ANO3: variants seen among roughly 807,000 people sequenced by gnomAD.
ANO3 encodes the protein anoctamin-3.
ANO3 carries 99 observed loss-of-function variants against 144.8 expected under a neutral mutation model. That is an observed-to-expected ratio of 0.68 (90% CI 0.58 to 0.81). The LOEUF is 0.81. ANO3 is among the 30% of genes least tolerant of loss of function. The probability of loss-of-function intolerance (pLI) is 0.00; values close to 1 mark genes in which losing one functional copy is unlikely to be tolerated. For missense variants in ANO3, 905 were observed against 1,202.2 expected (o/e 0.75, Z 3.66); for synonymous variants, 414 against 392.6 (o/e 1.05, Z -0.64).
chr11:26,341,093 G>T (rs1157381525), intron 1 of ANO3, among the ~76,000 whole-genome samples: 2 of 145,234 alleles, frequency 1.4e-5, no homozygotes, highest in Non-Finnish European at 3.0e-5. Flanking sequence ...TCCCCTCCCC[G>T]CTTCTCTTCC....
intron 1 of ANO3, among the ~76,000 whole-genome samples, chr11:26,255,201 G>A (rs1356306918): frequency 2.0e-5 from 3 of 152,230 alleles, no homozygotes; most frequent in East Asian, 3.9e-4. Context: ...GTGTTTTAAT[G>A]TTATCCTCAG....
At chr11:26,357,862 TTAAG>T (rs1249978140) in intron 1 of ANO3, among the ~76,000 whole-genome samples, 2 of 152,198 alleles carry the variant, frequency 1.3e-5, no homozygotes, top group East Asian at 1.9e-4. Flanking sequence ...CATAAATATC[TTAAG>T]TAATATATGG....
At position 26,516,676 on chromosome 11, in the gene ANO3, A is replaced by T. The variant is rs1400761496; in HGVS notation, c.592-151A>T. 2.1e-5 allele frequency: 10 copies of T among 481,356 alleles called. No individual in the cohort carries two copies. The East Asian group carries it at 3.3e-4, about 16-fold the overall frequency. The allele number at this position is 481,356 out of a possible 1,614,324, so 29.8% of individuals were successfully genotyped here. ...TTTATCAAGGTCTTTCTTCATTAAGATTTTTTTTATCCATATAAATTTCTT... is the reference window on the plus strand; with the variant it reads ...TTTATCAAGGTCTTTCTTCATTAAGTTTTTTTTTATCCATATAAATTTCTT... On this transcript the variant is annotated intron_variant, in intron 5 of 26. Coordinates refer to ENST00000256737, the MANE Select transcript of ANO3 (RefSeq NM_031418.4).
intron 1 of ANO3, among the ~76,000 whole-genome samples, chr11:26,227,970 C>G (rs1290113476): frequency 1.3e-5 from 2 of 152,134 alleles, no homozygotes; most frequent in Admixed American, 6.5e-5. Flanking sequence ...CTTAAGCCTA[C>G]CTATTAAAAT....
chr11:26,408,932 A>T (rs1228894414), intron 1 of ANO3, among the ~76,000 whole-genome samples: 2 of 151,574 alleles, frequency 1.3e-5, no homozygotes, highest in Non-Finnish European at 2.9e-5. Context: ...CAATGAGAAC[A>T]CATGGACACA....
In ANO3 at chr11:26,270,350, T is replaced by C. The variant is rs1179939758; in HGVS notation, c.155-39295T>C. Among the ~76,000 whole-genome samples the C allele has an allele frequency of 8.5e-5, 13 of 152,162 alleles. 1 individual carries two copies. Among genetic ancestry groups the C allele is most frequent in the Non-Finnish European group, 1.2e-4 (8 of 68,028 alleles). On this transcript the variant is annotated intron_variant, in intron 1 of 27. Transcript: ENST00000672621. Reference sequence around the variant, plus strand: ...GGTAGAAACAATCTACTAAAATTACTCTATTGAAAAAATCTAACTGAATCA... The same window carrying C: ...GGTAGAAACAATCTACTAAAATTACCCTATTGAAAAAATCTAACTGAATCA...
At chr11:26,376,211 C>G (rs577801089) in intron 1 of ANO3, among the ~76,000 whole-genome samples, 1 of 151,988 alleles carries the variant, frequency 6.6e-6, no homozygotes, top group African/African-American at 2.4e-5. Context: ...CATCCATAAA[C>G]CTTTCAACAA....
rs745486198 is a variant in ANO3 at position 26,660,306 on chromosome 11, A to C, written c.2808A>C (p.Pro936=). Residue 936 remains proline (P), a synonymous_variant, in exon 27 of 27, where the codon CCA becomes CCC. Coordinates refer to ENST00000256737, the MANE Select transcript of ANO3 (RefSeq NM_031418.4). The part of the protein sequence containing the change: ...GIKSFIAYLI[P]DVPKGLHDRI... The stretch of plus-strand genomic sequence containing the variant: ...AGTCATTCATCGCATACCTGATTCC[A>C]GACGTACCAAAGGGTCTACATGACC... 3.7e-6 allele frequency: 6 copies of C among 1,613,408 alleles called. No individual in the cohort carries two copies. The South Asian group carries it at 6.6e-5, about 18-fold the overall frequency.
intron 1 of ANO3, among the ~76,000 whole-genome samples, chr11:26,236,042 C>G (rs980654406): frequency 2.0e-5 from 3 of 152,004 alleles, no homozygotes; most frequent in Non-Finnish European, 2.9e-5. Context: ...AGATAGCAAA[C>G]CCTAGATTAT....
intron 1 of ANO3, among the ~76,000 whole-genome samples, chr11:26,273,705 A>G (rs1853498352): frequency 6.6e-6 from 1 of 151,796 alleles, no homozygotes; most frequent in Non-Finnish European, 1.5e-5. Context: ...AAGGATTTCA[A>G]GATGTGAATC....
intron 1 of ANO3, among the ~76,000 whole-genome samples, chr11:26,228,219 C>T (rs1590204487): frequency 1.3e-5 from 2 of 152,338 alleles, no homozygotes; most frequent in East Asian, 3.9e-4. Context: ...ATGTACTGCT[C>T]TGTTTTTATG....
chr11:26,644,929 A>C (rs1387526014), intron 23 of ANO3, among the ~76,000 whole-genome samples: 1 of 151,908 alleles, frequency 6.6e-6, no homozygotes, highest in African/African-American at 2.4e-5. Context: ...GCTGGTTTTC[A>C]ATTTATTCAC....
chr11:26,330,514 T>G (rs1340626216), upstream of ANO3, among the ~76,000 whole-genome samples: 4 of 152,132 alleles, frequency 2.6e-5, no homozygotes, highest in Non-Finnish European at 5.9e-5. Context: ...TATGATACAT[T>G]AAAGAAGGTA....
chr11:26,410,860 G>T (rs1324520622), intron 1 of ANO3, among the ~76,000 whole-genome samples: 1 of 151,960 alleles, frequency 6.6e-6, no homozygotes, highest in Non-Finnish European at 1.5e-5. Flanking sequence ...TGTTAGAGGA[G>T]TATCAGTCAT....
At chr11:26,303,460 T>A (rs550058295) in intron 1 of ANO3, among the ~76,000 whole-genome samples, 4 of 152,292 alleles carry the variant, frequency 2.6e-5, no homozygotes, top group East Asian at 3.9e-4. Flanking sequence ...AACCAAGTAC[T>A]TTGTGTTCTC....
intron 17 of ANO3, among the ~76,000 whole-genome samples, chr11:26,622,271 T>C (rs1852438199): frequency 6.6e-6 from 1 of 151,988 alleles, no homozygotes; most frequent in African/African-American, 2.4e-5. Flanking sequence ...GATATTGCCA[T>C]CCTAAGTTTG....
At chr11:26,438,611 A>AAAAAAAAAAAAAAAAAAAAG (rs1858389741) in intron 1 of ANO3, among the ~76,000 whole-genome samples, 9 of 35,512 alleles carry the variant, frequency 2.5e-4, no homozygotes, top group Non-Finnish European at 4.1e-4. Context: ...AAAAAAAAGA[A>AAAAAAAAAAAAAAAAAAAAG]AAAAAAAAAA....
At chr11:26,443,635 CTAATTT>C (rs946158116) in intron 2 of ANO3, 124 bp from the exon 3 acceptor site, 53 of 500,976 alleles carry the variant, frequency 1.1e-4, no homozygotes, top group South Asian at 1.6e-4. Flanking sequence ...TTTTAAATAA[CTAATTT>C]TAATTCATTA....
intron 1 of ANO3, among the ~76,000 whole-genome samples, chr11:26,379,074 G>A (rs1305831875): frequency 6.6e-6 from 1 of 150,686 alleles, no homozygotes; most frequent in Admixed American, 6.6e-5. Context: ...CATACAGAAA[G>A]CATCCCTGAA....
Sources: gnomAD v4.1 joint callset for allele counts (sites outside exome capture counted in the v4.1 genomes callset) on GRCh38, gnomAD v4.1.1 for gene constraint, MANE v1.5 for transcripts, NCBI Gene and HGNC (gene_info 2026-07-23, HGNC 2026-07-21) for gene names.